The following SPAG17 variants were observed in gnomAD, a reference collection of about 807,000 sequenced individuals.
SPAG17 encodes sperm-associated antigen 17.
Under a neutral mutation model 273.6 loss-of-function variants are expected in SPAG17, and 169 were observed. That is an observed-to-expected ratio of 0.62 (90% CI 0.55 to 0.70). The LOEUF is 0.70. SPAG17 is among the 30% of genes least tolerant of loss of function. The pLI is 0.00. For synonymous variants in SPAG17, 825 were observed against 873.2 expected (o/e 0.94, Z 0.97); for missense variants, 2,557 against 2,627.8 (o/e 0.97, Z 0.59).
intron 1 of SPAG17, among the ~76,000 whole-genome samples, chr1:118,157,025 G>A (rs1306671888): frequency 2.0e-5 from 3 of 152,050 alleles, no homozygotes; most frequent in Non-Finnish European, 4.4e-5. Flanking sequence ...TGTTGAAGCC[G>A]ATTGCTCATG....
At chr1:117,989,303 C>T (rs1656801178) in intron 38 of SPAG17, among the ~76,000 whole-genome samples, 1 of 152,076 alleles carries the variant, frequency 6.6e-6, no homozygotes, top group Non-Finnish European at 1.5e-5. Flanking sequence ...CGGTCATCTG[C>T]TTCTGGTGAG....
intron 32 of SPAG17, among the ~76,000 whole-genome samples, chr1:118,002,300 T>C (rs1364318320): frequency 1.3e-5 from 2 of 152,232 alleles, no homozygotes; most frequent in Non-Finnish European, 2.9e-5. Flanking sequence ...GTATATTCTG[T>C]TGATTTGGGG....
At chr1:118,151,103 T>C (rs1659352332) in intron 2 of SPAG17, 126 bp downstream of exon 2, 1 of 738,248 alleles carries the variant, frequency 1.4e-6, no homozygotes, top group Admixed American at 4.0e-5. Flanking sequence ...GCTAAATAGT[T>C]ACTTAAAATA....
At chr1:118,082,537 A>G (rs1654668356) in intron 13 of SPAG17, among the ~76,000 whole-genome samples, 1 of 152,226 alleles carries the variant, frequency 6.6e-6, no homozygotes, top group Admixed American at 6.5e-5. Flanking sequence ...TTCATTTCTC[A>G]AATATTTTTT....
chr1:118,132,427 G>C (rs1026508698), intron 3 of SPAG17, among the ~76,000 whole-genome samples: 5 of 152,174 alleles, frequency 3.3e-5, no homozygotes, highest in Admixed American at 3.3e-4. Context: ...GTAACCAAGG[G>C]TGACACGATC....
intron 20 of SPAG17, among the ~76,000 whole-genome samples, chr1:118,052,122 T>C (rs187986111): frequency 0.014 from 1,956 of 143,928 alleles, 35 homozygotes; most frequent in Non-Finnish European, 0.023. Context: ...TATAACATAA[T>C]ACTATTATAT....
intron 20 of SPAG17, among the ~76,000 whole-genome samples, 193 bp downstream of exon 20, chr1:118,053,799 ACACAAAAACG>A (rs940173710): frequency 1.3e-4 from 19 of 151,984 alleles, no homozygotes; most frequent in Admixed American, 1.1e-3. Context: ...TATAACATAT[ACACAAAAACG>A]CACAAATAGC....
At position 118,003,658 on chromosome 1, in the gene SPAG17, C is replaced by T. The variant is rs542136727; in HGVS notation, c.4776+1756G>A. Among the ~76,000 whole-genome samples the T allele has an allele frequency of 9.8e-5, 15 of 152,352 alleles. No individual in the cohort carries two copies. The Middle Eastern group carries it at 0.01, about 104-fold the overall frequency. On this transcript the variant is annotated intron_variant, in intron 32 of 48. Coordinates refer to ENST00000336338, the MANE Select transcript of SPAG17 (RefSeq NM_206996.4). ...GAAGTTCTCATGTCATGGTTTTCAG[C>T]TCCATGAGGTCATTTAATGTCTTCT...
chr1:118,151,513 G>A (rs921806768), intron 1 of SPAG17, 144 bp from the exon 2 acceptor site: 1 of 808,302 alleles, frequency 1.2e-6, no homozygotes, highest in Non-Finnish European at 1.7e-6. Context: ...GTGGTTTTCT[G>A]ATTGAAGTAG....
chr1:118,147,167 G>A (rs1343124549), intron 3 of SPAG17, among the ~76,000 whole-genome samples: 3 of 152,110 alleles, frequency 2.0e-5, no homozygotes, highest in Non-Finnish European at 4.4e-5. Context: ...GCTTCCTGAG[G>A]TTAGAGTCTT....
At chr1:118,090,166 T>C (rs1655270987) in intron 10 of SPAG17, among the ~76,000 whole-genome samples, 1 of 152,196 alleles carries the variant, frequency 6.6e-6, no homozygotes, top group African/African-American at 2.4e-5. Flanking sequence ...TTACATGAGT[T>C]AACATATTGA....
At chr1:117,955,170 C>G (rs1009175528) in intron 48 of SPAG17, 2 of 628,978 alleles carry the variant, frequency 3.2e-6, no homozygotes, top group African/African-American at 1.9e-5. Context: ...CTGACTGACT[C>G]TAAACTCATG....
chr1:118,003,028 C>CA, intron 32 of SPAG17, among the ~76,000 whole-genome samples: 1 of 152,268 alleles, frequency 6.6e-6, no homozygotes, highest in East Asian at 1.9e-4. Flanking sequence ...CTAGTGGTAA[C>CA]AAAATCTCTC....
At chr1:118,062,718 T>C (rs1299611187) in intron 18 of SPAG17, among the ~76,000 whole-genome samples, 2 of 152,202 alleles carry the variant, frequency 1.3e-5, no homozygotes, top group East Asian at 3.8e-4. Flanking sequence ...AATGGAATTT[T>C]TGACCAAGTC....
In SPAG17 at chr1:117,954,625, T is replaced by TGG. The variant is rs1351147302; in HGVS notation, c.*1-577_*1-576insCC. ...CATCCTAATGGCTTATGGCAGTATC[T>TGG]CAGTGAGTAAAATGTCTAACGGTTT... On this transcript the variant is annotated intron_variant, in intron 48 of 48. Transcript: ENST00000336338. 9.3e-6 allele frequency: 15 copies of TGG among 1,612,106 alleles called. 1 individual carries two copies. The highest frequency in any genetic ancestry group is 1.3e-5 in the Non-Finnish European group (15 of 1,178,978).
chr1:118,159,364 C>T (rs1460034480), intron 1 of SPAG17, among the ~76,000 whole-genome samples: 1 of 152,144 alleles, frequency 6.6e-6, no homozygotes, highest in Non-Finnish European at 1.5e-5. Flanking sequence ...GTGTCAAATT[C>T]TGCCTCTGTG....
At chr1:117,954,632 G>A (rs2101243435) in intron 48 of SPAG17, 5 of 1,611,550 alleles carry the variant, frequency 3.1e-6, no homozygotes, top group Non-Finnish European at 4.2e-6. Context: ...ATCTCAGTGA[G>A]TAAAATGTCT....
At chr1:117,954,877 T>C (rs1204372123) in intron 48 of SPAG17, among the ~76,000 whole-genome samples, 1 of 152,138 alleles carries the variant, frequency 6.6e-6, no homozygotes, top group Non-Finnish European at 1.5e-5. Context: ...CCTGTTTATG[T>C]TCAGTGTCCA....
At chr1:118,060,245 G>C (rs1179585771) in intron 18 of SPAG17, among the ~76,000 whole-genome samples, 1 of 151,806 alleles carries the variant, frequency 6.6e-6, no homozygotes, top group African/African-American at 2.4e-5. Context: ...ATGCATAACA[G>C]TCCATTTTAA....
Sources: allele counts gnomAD v4.1 joint callset (sites outside exome capture counted in the v4.1 genomes callset), GRCh38; gene constraint gnomAD v4.1.1; transcripts MANE v1.5; gene names NCBI Gene and HGNC (gene_info 2026-07-23, HGNC 2026-07-21).